CSMD1: variants seen among roughly 807,000 people sequenced by gnomAD.
CSMD1 encodes CUB and sushi domain-containing protein 1.
Under a neutral mutation model 417.5 loss-of-function variants are expected in CSMD1, and 213 were observed. The observed-to-expected ratio is 0.51, with a 90% CI of 0.46 to 0.57. The LOEUF is 0.57. CSMD1 is among the 20% of genes least tolerant of loss of function. The probability of loss-of-function intolerance (pLI) is 0.00; values close to 1 mark genes in which losing one functional copy is unlikely to be tolerated. For synonymous variants in CSMD1, 2,862 were observed against 1,736.8 expected, an observed-to-expected ratio of 1.65 and a Z score of -16.11; for missense variants, 6,923 against 4,529.7, an observed-to-expected ratio of 1.53 and a Z score of -15.17.
intron 8 of CSMD1, among the ~76,000 whole-genome samples, chr8:3,613,586 T>G (rs1336623544): frequency 6.6e-6 from 1 of 150,854 alleles, no homozygotes; most frequent in Non-Finnish European, 1.5e-5. Context: ...AGAATATGAG[T>G]TTTTAACTTA....
intron 1 of CSMD1, among the ~76,000 whole-genome samples, chr8:4,772,233 C>G (rs760527662): frequency 6.6e-6 from 1 of 152,208 alleles, no homozygotes; most frequent in Non-Finnish European, 1.5e-5. Flanking sequence ...CTGGGCTCCT[C>G]AAATCCTCAC....
rs577625741 is a variant in CSMD1 at position 3,562,331 on chromosome 8, T to C, written c.1344+12614A>G. On this transcript the variant is annotated intron_variant, in intron 10 of 69. Coordinates refer to ENST00000635120, the MANE Select transcript of CSMD1 (RefSeq NM_033225.6). Reference sequence around the variant, plus strand: ...GACTTGGGAACCCTCCTTTCCTCTATCTGCATCTTGGTCAGTATTGCTAAT... The same window carrying C: ...GACTTGGGAACCCTCCTTTCCTCTACCTGCATCTTGGTCAGTATTGCTAAT... Among the ~76,000 whole-genome samples, 166 of 102,310 alleles carry C rather than the reference T, an allele frequency of 1.6e-3. 3 individuals carry two copies. The highest frequency in any genetic ancestry group is 6.2e-3 in the African/African-American group (151 of 24,380). The allele number at this position is 102,310 out of a possible 152,430, so 67.1% of individuals were successfully genotyped here.
intron 7 of CSMD1, among the ~76,000 whole-genome samples, chr8:3,706,520 G>A (rs948201769): frequency 2.0e-5 from 3 of 152,140 alleles, no homozygotes; most frequent in Admixed American, 6.5e-5. Context: ...TAAAAGAAAG[G>A]ACAGAACGCT....
chr8:4,316,702 G>C (rs572291071), intron 3 of CSMD1, among the ~76,000 whole-genome samples: 1 of 152,010 alleles, frequency 6.6e-6, no homozygotes, highest in South Asian at 2.1e-4. Flanking sequence ...TCCTTTATGT[G>C]TTTCAAAATA....
At chr8:4,739,716 A>G (rs1011254064) in intron 1 of CSMD1, among the ~76,000 whole-genome samples, 7 of 152,124 alleles carry the variant, frequency 4.6e-5, no homozygotes, top group African/African-American at 1.2e-4. Flanking sequence ...GCACTTTACT[A>G]GGAGCTCGTG....
chr8:3,079,156 G>T (rs1391186700), intron 49 of CSMD1, among the ~76,000 whole-genome samples: 1 of 152,164 alleles, frequency 6.6e-6, no homozygotes, highest in Non-Finnish European at 1.5e-5. Flanking sequence ...CTAAGATTGT[G>T]TGAGGTAGAT....
intron 42 of CSMD1, among the ~76,000 whole-genome samples, chr8:3,115,580 A>G (rs1391490497): frequency 6.6e-6 from 1 of 152,172 alleles, no homozygotes; most frequent in East Asian, 1.9e-4. Flanking sequence ...AATGTCTTCA[A>G]TTTCTCAGAT....
Position 3,599,125 on chromosome 8 carries a change from CTG to C in CSMD1, c.1098-12867_1098-12866del, listed in dbSNP as rs143211609. Reference sequence around the variant, plus strand: ...GACATTGGATTGCAATTGCTTACTGCTGTGTGTGTGTGTGTGTGTGTGTGTCT... The same window carrying C: ...GACATTGGATTGCAATTGCTTACTGCTGTGTGTGTGTGTGTGTGTGTGTCT... On this transcript the variant is annotated intron_variant, in intron 8 of 69. Coordinates refer to ENST00000635120, the MANE Select transcript of CSMD1 (RefSeq NM_033225.6). 5.5e-3 allele frequency among the ~76,000 whole-genome samples: 790 copies of C among 144,344 alleles called. 3 individuals carry two copies. Among genetic ancestry groups the C allele is most frequent in the African/African-American group, 0.015 (574 of 38,260 alleles). The allele number at this position is 144,344 out of a possible 152,430, so 94.7% of individuals were successfully genotyped here.
Position 4,419,977 on chromosome 8 carries a change from G to C in CSMD1, c.391C>G (p.Gln131Glu). The change falls in exon 3 of 70, where the codon CAA becomes GAA. Residue 131 changes from glutamine to glutamate, a missense_variant. Gln to Glu is a conservative substitution (Grantham distance 29). Transcript: ENST00000635120. ...CCTTCATATAATGCTTTGAAACCTT[G>C]GGCACTCACAGCGAAGTCTGTCGTG... ...WFTTDFAVSA[Q>E]GFKALYEVLP... The C allele has an allele frequency of 6.3e-7, 1 of 1,584,174 alleles. No homozygotes were observed. Among genetic ancestry groups the C allele is most frequent in the Non-Finnish European group, 8.6e-7 (1 of 1,163,738 alleles).
chr8:4,070,877 C>T (rs1052874044), intron 3 of CSMD1, among the ~76,000 whole-genome samples: 1 of 152,094 alleles, frequency 6.6e-6, no homozygotes, highest in African/African-American at 2.4e-5. Context: ...TTCCTTTTTG[C>T]TTTGTTTACT....
At chr8:3,144,026 T>C (rs575655362) in intron 40 of CSMD1, among the ~76,000 whole-genome samples, 1 of 152,312 alleles carries the variant, frequency 6.6e-6, no homozygotes, top group African/African-American at 2.4e-5. Flanking sequence ...TGGAGAAACT[T>C]GGCAGGGAGA....
intron 2 of CSMD1, among the ~76,000 whole-genome samples, chr8:4,601,460 A>T (rs1298587229): frequency 1.3e-5 from 2 of 152,182 alleles, no homozygotes; most frequent in South Asian, 4.2e-4. Context: ...TCTGTTCCTG[A>T]ATGTTAAGTT....
At chr8:4,597,552 T>G (rs565883527) in intron 2 of CSMD1, among the ~76,000 whole-genome samples, 1 of 152,142 alleles carries the variant, frequency 6.6e-6, no homozygotes, top group East Asian at 1.9e-4. Context: ...GAAATAAAAC[T>G]TATTTCCCAA....
intron 5 of CSMD1, among the ~76,000 whole-genome samples, chr8:3,905,756 C>T (rs1052105747): frequency 6.6e-6 from 1 of 152,202 alleles, no homozygotes; most frequent in South Asian, 2.1e-4. Context: ...AAATTGGATG[C>T]TCATCACCCT....
At chr8:4,747,313 A>G (rs1265571009) in intron 1 of CSMD1, among the ~76,000 whole-genome samples, 1 of 152,194 alleles carries the variant, frequency 6.6e-6, no homozygotes, top group Non-Finnish European at 1.5e-5. Context: ...TGCTCTTCTC[A>G]TTTATTTCAT....
chr8:3,751,609 C>G (rs116492875), intron 6 of CSMD1, among the ~76,000 whole-genome samples: 2,999 of 150,928 alleles, frequency 0.02, 102 homozygotes, highest in African/African-American at 0.069. Context: ...AATTTATATA[C>G]TCTATATAAT....
At chr8:3,299,414 T>A (rs554206738) in intron 25 of CSMD1, among the ~76,000 whole-genome samples, 1 of 152,114 alleles carries the variant, frequency 6.6e-6, no homozygotes, top group Non-Finnish European at 1.5e-5. Flanking sequence ...ATCACGCTAT[T>A]GCACTCCAGC....
chr8:3,444,308 G>A (rs776569117), intron 12 of CSMD1, among the ~76,000 whole-genome samples: 24 of 152,066 alleles, frequency 1.6e-4, no homozygotes, highest in Middle Eastern at 3.2e-3. Flanking sequence ...AGCTATCATC[G>A]ACTCAGGAGT....
rs1349759112 is a variant in CSMD1 at position 4,067,008 on chromosome 8, C to A, written c.416-34909G>T. On this transcript the variant is annotated intron_variant, in intron 3 of 69. Coordinates refer to ENST00000635120, the MANE Select transcript of CSMD1 (RefSeq NM_033225.6). The stretch of plus-strand genomic sequence containing the variant: ...GCAACTCCACAACTGAGAAACAAGA[C>A]AACATGAGCTCTTAGTTTTGTGTAT... Among the ~76,000 whole-genome samples, 5 of 152,344 alleles carry A rather than the reference C, an allele frequency of 3.3e-5. No homozygotes were observed. The East Asian group carries it at 9.6e-4, about 29-fold the overall frequency.
Sources: gnomAD v4.1 joint callset for allele counts (sites outside exome capture counted in the v4.1 genomes callset) on GRCh38, gnomAD v4.1.1 for gene constraint, MANE v1.5 for transcripts, NCBI Gene and HGNC (gene_info 2026-07-23, HGNC 2026-07-21) for gene names.